TACC1: variants seen among roughly 807,000 people sequenced by gnomAD.
The protein encoded by TACC1 is transforming acidic coiled-coil containing protein 1.
In TACC1, 48 loss-of-function variants were observed where a neutral mutation model predicts 84.4. That is an observed-to-expected ratio of 0.57 (90% CI 0.45 to 0.72). The LOEUF (loss-of-function observed/expected upper bound fraction) is 0.72, where lower values mean the gene tolerates loss of function less well. Among genes scored for constraint, TACC1 ranks in the 30% least tolerant of loss-of-function variants. The pLI, the probability that TACC1 is intolerant of heterozygous loss-of-function variation, is 0.00. For missense variants in TACC1, 920 were observed against 973.0 expected (o/e 0.95, Z 0.72); for synonymous variants, 372 against 376.3 (o/e 0.99, Z 0.13).
Position 38,819,789 on chromosome 8 carries a change from C to T in TACC1, c.545C>T (p.Ala182Val). Residue 182 changes from alanine to valine, a missense_variant, in exon 3 of 13, where the codon GCT (alanine) becomes GTT (valine). Physicochemically the swap from Ala to Val is moderately conservative, Grantham distance 64. Coordinates refer to ENST00000317827, the MANE Select transcript of TACC1 (RefSeq NM_006283.3). ...HGCVTAVSGK[A>V]LPSSPPDALQ... ...TGTGTAACTGCAGTCTCAGGCAAGG[C>T]TCTGCCTTCCAGCCCGCCAGACGCC... 1 of 1,613,978 alleles carries T rather than the reference C, an allele frequency of 6.2e-7. No individual in the cohort carries two copies. The highest frequency in any genetic ancestry group is 8.5e-7 in the Non-Finnish European group (1 of 1,180,040).
chr8:38,801,987 C>T (rs537766053), intron 2 of TACC1, among the ~76,000 whole-genome samples: 1 of 152,328 alleles, frequency 6.6e-6, no homozygotes, highest in East Asian at 1.9e-4. Flanking sequence ...AAGCATGGCT[C>T]ACTGCAGCCT....
intron 3 of TACC1, among the ~76,000 whole-genome samples, chr8:38,779,541 T>C (rs958120843): frequency 6.6e-6 from 1 of 152,238 alleles, no homozygotes; most frequent in African/African-American, 2.4e-5. Flanking sequence ...GGATTTTCCG[T>C]ATAAGGGCTT....
rs887934763 is a variant in TACC1 at position 38,742,404 on chromosome 8, T to C, written c.-621T>C. On this transcript the variant is annotated 5_prime_UTR_variant, in exon 2 of 15. Coordinates refer to the TACC1 transcript ENST00000518415. ...TCCTGGTCTTGATTGCTGGCATGTT[T>C]ACTCTTCCAAGTACACTGAGATCAA... The C allele has an allele frequency of 3.3e-6, 5 of 1,518,256 alleles. No homozygotes were observed. The Admixed American group carries it at 9.9e-5, about 30-fold the overall frequency. 94.0% of individuals were successfully genotyped at this position (1,518,256 alleles called of 1,614,324 possible).
chr8:38,745,539 G>GTTTGAT, intron 3 of TACC1: 1 of 676,354 alleles, frequency 1.5e-6, no homozygotes, highest in Non-Finnish European at 2.7e-6. Context: ...CTGTTTGTTT[G>GTTTGAT]TTTGTTTTTG....
chr8:38,816,028 C>T (rs866741741), intron 2 of TACC1, among the ~76,000 whole-genome samples: 1 of 151,284 alleles, frequency 6.6e-6, no homozygotes, highest in Non-Finnish European at 1.5e-5. Context: ...TTGAAAGAAC[C>T]TTGATTTATG....
At chr8:38,842,098 T>G (rs1831390423) in intron 9 of TACC1, among the ~76,000 whole-genome samples, 189 bp from the exon 10 acceptor site, 1 of 151,754 alleles carries the variant, frequency 6.6e-6, no homozygotes, top group African/African-American at 2.4e-5. Flanking sequence ...CCCCCATTCC[T>G]CCTTACCCTG....
At chr8:38,746,138 T>C (rs1399193517) in intron 3 of TACC1, among the ~76,000 whole-genome samples, 1 of 152,200 alleles carries the variant, frequency 6.6e-6, no homozygotes, top group Non-Finnish European at 1.5e-5. Flanking sequence ...GAAAGTGTTA[T>C]GTTATTTTAT....
chr8:38,751,307 G>T (rs1285523392), intron 3 of TACC1, among the ~76,000 whole-genome samples: 1 of 152,218 alleles, frequency 6.6e-6, no homozygotes, highest in Non-Finnish European at 1.5e-5. Flanking sequence ...CTTAAAATGG[G>T]ATGTGCAGTG....
At chr8:38,807,714 A>G (rs548147162) in intron 2 of TACC1, among the ~76,000 whole-genome samples, 1 of 152,322 alleles carries the variant, frequency 6.6e-6, no homozygotes, top group East Asian at 1.9e-4. Flanking sequence ...TTGTGATAAC[A>G]TTTCCCCTCT....
chr8:38,746,404 T>C (rs1157017726), intron 3 of TACC1, among the ~76,000 whole-genome samples: 2 of 152,218 alleles, frequency 1.3e-5, no homozygotes, highest in Non-Finnish European at 2.9e-5. Context: ...GTCTAATATC[T>C]TGAATCTGCA....
At chr8:38,775,010 C>CA (rs913147283) in intron 3 of TACC1, among the ~76,000 whole-genome samples, 8,862 of 83,254 alleles carry the variant, frequency 0.11, 796 homozygotes, top group African/African-American at 0.28. Context: ...GACTCCGTCT[C>CA]AAAAAAAAAA....
intron 1 of TACC1, among the ~76,000 whole-genome samples, chr8:38,733,159 C>T (rs557575280): frequency 6.6e-6 from 1 of 152,298 alleles, no homozygotes; most frequent in South Asian, 2.1e-4. Flanking sequence ...TCCCAGGCCA[C>T]TCAAGATATC....
intron 2 of TACC1, among the ~76,000 whole-genome samples, chr8:38,798,835 C>A (rs1820649161): frequency 6.6e-6 from 1 of 152,080 alleles, no homozygotes; most frequent in African/African-American, 2.4e-5. Context: ...ATCCCGCATT[C>A]CTGGAAAAGG....
intron 8 of TACC1, chr8:38,839,301 A>G: frequency 2.5e-6 from 1 of 395,708 alleles, no homozygotes. Flanking sequence ...TGAAATCGAA[A>G]TCTTTTTATT....
chr8:38,789,295 A>C (rs1434472876), intron 2 of TACC1, among the ~76,000 whole-genome samples: 1 of 152,186 alleles, frequency 6.6e-6, no homozygotes, highest in Non-Finnish European at 1.5e-5. Context: ...CAGTCTACTT[A>C]GGAAAACCTG....
At chr8:38,768,943 A>G (rs1304963686) in intron 3 of TACC1, among the ~76,000 whole-genome samples, 1 of 136,826 alleles carries the variant, frequency 7.3e-6, no homozygotes. Flanking sequence ...TGTGGGGTGT[A>G]TATGTGTACA....
At chr8:38,778,199 G>A (rs1467457574) in intron 3 of TACC1, among the ~76,000 whole-genome samples, 1 of 151,844 alleles carries the variant, frequency 6.6e-6, no homozygotes, top group Non-Finnish European at 1.5e-5. Context: ...TCCTGCCTTC[G>A]TCTCCCAAAG....
At chr8:38,832,371 C>G (rs1829438799) in intron 6 of TACC1, among the ~76,000 whole-genome samples, 1 of 152,340 alleles carries the variant, frequency 6.6e-6, no homozygotes, top group East Asian at 1.9e-4. Context: ...CAAACACTGT[C>G]TCTGAAGCCA....
chr8:38,771,188 G>C (rs180687021), intron 3 of TACC1, among the ~76,000 whole-genome samples: 2 of 152,158 alleles, frequency 1.3e-5, no homozygotes, highest in Non-Finnish European at 2.9e-5. Flanking sequence ...AGAAGTGTTG[G>C]AGATGCTCTT....
Sources: gnomAD v4.1 joint callset for allele counts (sites outside exome capture counted in the v4.1 genomes callset) on GRCh38, gnomAD v4.1.1 for gene constraint, MANE v1.5 for transcripts, NCBI Gene and HGNC (gene_info 2026-07-23, HGNC 2026-07-21) for gene names.